ATAD3B: variants seen among roughly 807,000 people sequenced by gnomAD.
The protein encoded by ATAD3B is ATPase family AAA domain-containing protein 3B.
In ATAD3B, 59 loss-of-function variants were observed where a neutral mutation model predicts 70.2. The observed-to-expected ratio is 0.84, with a 90% CI of 0.68 to 1.04. The LOEUF (loss-of-function observed/expected upper bound fraction) is 1.04. ATAD3B is among the 50% of genes least tolerant of loss of function. ATAD3B has a pLI of 0.00. For missense variants in ATAD3B, 961 were observed against 913.4 expected (o/e 1.05, Z -0.67); for synonymous variants, 423 against 388.6 (o/e 1.09, Z -1.04).
Position 1,479,062 on chromosome 1 carries a change from A to C in ATAD3B, c.398A>C (p.Gln133Pro), listed in dbSNP as rs761534973. The change falls in exon 4 of 16, where the codon CAA becomes CCA. Residue 133 changes from glutamine to proline, a missense_variant. Physicochemically the swap from Gln to Pro is moderately conservative, Grantham distance 76. Around this residue, in one of 4 missense-constraint regions of ATAD3B, gnomAD observed 187 missense variants for 244.3 expected, o/e 0.77. Transcript: ENST00000673477. ...TRQHQARAQYQDKLARQRYED... is the reference protein window; with the variant it reads ...TRQHQARAQYPDKLARQRYED... ...CTTCTCCCCCAGAGGGCCCAGTATC[A>C]AGACAAGCTGGCCCGGCAGCGCTAC... 1 of 1,301,360 alleles carries C rather than the reference A, an allele frequency of 7.7e-7. No individual in the cohort carries two copies. The highest frequency in any genetic ancestry group is 1.0e-6 in the Non-Finnish European group (1 of 956,136). The allele number at this position is 1,301,360 out of a possible 1,614,324, so 80.6% of individuals were successfully genotyped here. A position where few individuals can be genotyped will look rare whatever the true frequency, so the allele number is the denominator to read the frequency against.
At chr1:1,477,033 TTTC>T (rs1639628517) in intron 1 of ATAD3B, among the ~76,000 whole-genome samples, 1 of 151,858 alleles carries the variant, frequency 6.6e-6, no homozygotes, top group Non-Finnish European at 1.5e-5. Flanking sequence ...AGATTTTATT[TTTC>T]TTAAGTCTCA....
At chr1:1,503,626 C>T in the ATAD3B span, 5 of 1,612,256 alleles carry the variant, frequency 3.1e-6, no homozygotes, top group East Asian at 1.1e-4. Flanking sequence ...GATGCAGGAG[C>T]AGACGCTGCA....
At chr1:1,500,201 A>G (rs1444499084), downstream of ATAD3B, among the ~76,000 whole-genome samples, 1 of 144,852 alleles carries the variant, frequency 6.9e-6, no homozygotes, top group African/African-American at 2.5e-5. Flanking sequence ...CCCGGCCTAC[A>G]CTGATAACTT....
the ATAD3B span, chr1:1,503,701 A>G: frequency 1.4e-5 from 23 of 1,606,136 alleles, no homozygotes; most frequent in Middle Eastern, 2.2e-4. Flanking sequence ...CGGGGCGCAC[A>G]TGGGGTTCGG....
chr1:1,487,728 C>T (rs1640301820), intron 11 of ATAD3B, 135 bp from the exon 12 acceptor site: 19 of 1,130,532 alleles, frequency 1.7e-5, no homozygotes, highest in Non-Finnish European at 2.5e-5. Context: ...GAGTCCAGGA[C>T]TTAGGGCTCC....
rs765563273 is a variant in ATAD3B at position 1,482,557 on chromosome 1, C to T, written c.693C>T (p.Thr231=). ...GCTTTCCCCGCAGGACGGCTGGCACCTTGTTTGGGGAAGGATTCCGTGCCT... is the reference window on the plus strand; with the variant it reads ...GCTTTCCCCGCAGGACGGCTGGCACTTTGTTTGGGGAAGGATTCCGTGCCT... ...TVLESIRTAG[T]LFGEGFRAFV... Residue 231 remains threonine, a synonymous_variant, in exon 7 of 16, where the codon ACC becomes ACT. Transcript: ENST00000673477. The T allele has an allele frequency of 6.2e-7, 1 of 1,613,256 alleles. No homozygotes were observed. Among genetic ancestry groups the T allele is most frequent in the Admixed American group, 1.7e-5 (1 of 59,948 alleles).
At chr1:1,484,964 A>T in intron 7 of ATAD3B, 52 bp from the exon 8 acceptor site, 1 of 1,565,900 alleles carries the variant, frequency 6.4e-7, no homozygotes, top group Non-Finnish European at 8.7e-7. Context: ...CTCCTGCTCT[A>T]GGAGGGAGGG....
the ATAD3B span, chr1:1,503,520 G>A: frequency 1.3e-6 from 2 of 1,523,908 alleles, no homozygotes; most frequent in African/African-American, 2.7e-5. Flanking sequence ...CTTGGCTGGT[G>A]TGGTGCCTGC....
downstream of ATAD3B, among the ~76,000 whole-genome samples, chr1:1,499,831 T>C (rs1406601087): frequency 2.0e-5 from 3 of 150,892 alleles, no homozygotes; most frequent in East Asian, 5.9e-4. Flanking sequence ...CGACGTCAGG[T>C]GATCCACCCA....
At position 1,480,985 on chromosome 1, in the gene ATAD3B, G is replaced by A. The variant is rs769096050; in HGVS notation, c.514+49G>A. On this transcript the variant is annotated intron_variant, in intron 5 of 15. Coordinates refer to ENST00000673477, the MANE Select transcript of ATAD3B (RefSeq NM_031921.6). ...GGGGCGGAGGTGGCGGGGGCTGCTT[G>A]TGGATCCGGCGTGCACTCTGAGCCT... is the stretch of plus-strand genomic sequence containing the variant. 1.0e-5 allele frequency: 16 copies of A among 1,580,010 alleles called. 2 individuals are homozygous for A. The highest frequency in any genetic ancestry group is 1.5e-5 in the African/African-American group (1 of 66,430).
In ATAD3B at chr1:1,496,260, C is replaced by G. The variant is rs1640789463; in HGVS notation, c.*443C>G. The G allele has an allele frequency of 2.0e-6, 2 of 991,556 alleles. No individual in the cohort carries two copies. The highest frequency in any genetic ancestry group is 1.7e-5 in the African/African-American group (1 of 57,472). 61.4% of individuals were successfully genotyped at this position (991,556 alleles called of 1,614,324 possible). A position where few individuals can be genotyped will look rare whatever the true frequency, so the allele number is the denominator to read the frequency against. On this transcript the variant is annotated 3_prime_UTR_variant, in exon 16 of 16. Transcript: ENST00000673477. ...GGGGTTTCAGGGGCGCCCTAGCGTC[C>G]TCCTGGGGTCAAAGGTGACATAAGA...
downstream of ATAD3B, among the ~76,000 whole-genome samples, chr1:1,498,940 A>G (rs1316997248): frequency 7.4e-5 from 11 of 149,302 alleles, no homozygotes; most frequent in East Asian, 2.0e-4. Context: ...TTCCTGACAC[A>G]GGTAGCCCCT....
chr1:1,494,487 C>T (rs1174102303), intron 15 of ATAD3B, among the ~76,000 whole-genome samples: 1 of 150,158 alleles, frequency 6.7e-6, no homozygotes, highest in Admixed American at 6.6e-5. Context: ...CAGTGGCGGT[C>T]CGGCTCTGGT....
chr1:1,490,292 A>T lies in ATAD3B; in HGVS notation c.1373A>T (p.Gln458Leu). 1.2e-6 allele frequency: 2 copies of T among 1,613,138 alleles called. No individual in the cohort carries two copies. Among genetic ancestry groups the T allele is most frequent in the Middle Eastern group, 3.3e-4 (2 of 6,062 alleles). The part of the protein sequence containing the change: ...MLVLASNLPE[Q>L]FDCAINSRID... Reference sequence around the variant, plus strand: ...GTCCTGGCCAGCAATCTGCCTGAGCAGTTCGACTGTGCCATCAACAGCCGC... The same window carrying T: ...GTCCTGGCCAGCAATCTGCCTGAGCTGTTCGACTGTGCCATCAACAGCCGC... Residue 458 changes from glutamine (Q) to leucine (L), a missense_variant, in exon 14 of 16, where the codon CAG becomes CTG. Gln to Leu is a moderately radical substitution (Grantham distance 113). Transcript: ENST00000673477.
chr1:1,482,881 G>C (rs1197723317), intron 7 of ATAD3B, among the ~76,000 whole-genome samples: 1 of 151,860 alleles, frequency 6.6e-6, no homozygotes, highest in Non-Finnish European at 1.5e-5. Context: ...TGGCGCCTGT[G>C]GTCCTGCTAC....
At chr1:1,486,765 T>A in intron 11 of ATAD3B, 97 bp downstream of exon 11, 1 of 1,484,442 alleles carries the variant, frequency 6.7e-7, no homozygotes, top group Admixed American at 2.3e-5. Context: ...GACCCTGTCT[T>A]TCTGCAGCTC....
chr1:1,487,629 C>T (rs147983918), intron 11 of ATAD3B, among the ~76,000 whole-genome samples: 2,201 of 152,060 alleles, frequency 0.014, 47 homozygotes, highest in South Asian at 0.029. Flanking sequence ...AGGGCAGAGT[C>T]TGTTGCCCCC....
chr1:1,498,825 C>T (rs904049354), downstream of ATAD3B, among the ~76,000 whole-genome samples: 6 of 151,684 alleles, frequency 4.0e-5, no homozygotes, highest in South Asian at 2.1e-4. Flanking sequence ...AAGTAGCACT[C>T]GAATGTTAAC....
At chr1:1,476,515 ATT>A (rs34013345) in intron 1 of ATAD3B, among the ~76,000 whole-genome samples, 10 of 146,796 alleles carry the variant, frequency 6.8e-5, no homozygotes, top group East Asian at 2.0e-4. Context: ...TGTTAGAATA[ATT>A]TTTTTTTTTT....
Sources: allele counts gnomAD v4.1 joint callset (sites outside exome capture counted in the v4.1 genomes callset), GRCh38; gene constraint gnomAD v4.1.1; regional missense constraint gnomAD v4.1.1; transcripts MANE v1.5; gene names NCBI Gene and HGNC (gene_info 2026-07-23, HGNC 2026-07-21).